TBC1D32: variants seen among roughly 807,000 people sequenced by gnomAD.
TBC1D32 encodes protein broad-minded.
TBC1D32 carries 151 observed loss-of-function variants against 170.3 expected under a neutral mutation model. That is an observed-to-expected ratio of 0.89 (90% CI 0.78 to 1.01). The LOEUF (loss-of-function observed/expected upper bound fraction) is 1.01, where lower values mean the gene tolerates loss of function less well. TBC1D32 is among the 50% of genes least tolerant of loss of function. The probability of loss-of-function intolerance (pLI) is 0.00; values close to 1 mark genes in which losing one functional copy is unlikely to be tolerated. For synonymous variants in TBC1D32, 498 were observed against 488.0 expected, an observed-to-expected ratio of 1.02 and a Z score of -0.27; for missense variants, 1,464 against 1,457.1, an observed-to-expected ratio of 1.00 and a Z score of -0.08.
Position 121,131,610 on chromosome 6 carries a change from G to T in TBC1D32, c.2899+17C>A. 6.3e-7 allele frequency: 1 copy of T among 1,591,224 alleles called. No homozygotes were observed. Among genetic ancestry groups the T allele is most frequent in the South Asian group, 1.2e-5 (1 of 85,858 alleles). The stretch of plus-strand genomic sequence containing the variant: ...TTTCATACATAAGAAAACCCACAAT[G>T]GAAACAATGTACTTACCCTCTCCAC... On this transcript the variant is annotated intron_variant, in intron 25 of 31. Coordinates refer to ENST00000398212, the MANE Select transcript of TBC1D32 (RefSeq NM_152730.6).
At chr6:121,252,018 G>T (rs1026805000) in intron 17 of TBC1D32, among the ~76,000 whole-genome samples, 4 of 152,198 alleles carry the variant, frequency 2.6e-5, no homozygotes, top group African/African-American at 9.6e-5. Context: ...CAAAACCACA[G>T]TGAGATACCA....
intron 24 of TBC1D32, among the ~76,000 whole-genome samples, chr6:121,148,333 G>T (rs1325874745): frequency 1.3e-5 from 2 of 152,018 alleles, no homozygotes; most frequent in East Asian, 3.9e-4. Flanking sequence ...TTTTATGGTT[G>T]CATAGTATTC....
At chr6:121,310,705 G>A in intron 4 of TBC1D32, 74 bp downstream of exon 4, 1 of 946,844 alleles carries the variant, frequency 1.1e-6, no homozygotes, top group South Asian at 1.4e-5. Flanking sequence ...CAACCTGGTT[G>A]CTACTGATTG....
chr6:121,297,800 C>T (rs1007520463), intron 10 of TBC1D32, among the ~76,000 whole-genome samples: 2 of 152,028 alleles, frequency 1.3e-5, no homozygotes, highest in Non-Finnish European at 2.9e-5. Flanking sequence ...TTCTCATTTA[C>T]TCTAGTCTCA....
intron 22 of TBC1D32, among the ~76,000 whole-genome samples, chr6:121,177,557 A>G (rs1787946749): frequency 6.6e-6 from 1 of 152,186 alleles, no homozygotes; most frequent in Non-Finnish European, 1.5e-5. Flanking sequence ...ATATAGTAGC[A>G]TACAAATTTA....
chr6:121,211,489 C>G (rs1793048608), intron 21 of TBC1D32, among the ~76,000 whole-genome samples: 1 of 152,072 alleles, frequency 6.6e-6, no homozygotes, highest in Non-Finnish European at 1.5e-5. Context: ...CATTGAGTCC[C>G]CCAAGTCCAC....
intron 14 of TBC1D32, 73 bp from the exon 15 acceptor site, chr6:121,279,318 G>A (rs943575722): frequency 4.6e-6 from 7 of 1,512,820 alleles, no homozygotes; most frequent in African/African-American, 2.9e-5. Context: ...ACTAAAATCC[G>A]AGGATTGTAA....
chr6:121,256,416 C>T (rs1348988526), intron 15 of TBC1D32, 131 bp from the exon 16 acceptor site: 6 of 698,890 alleles, frequency 8.6e-6, no homozygotes, highest in South Asian at 1.9e-5. Context: ...TCAATATTCA[C>T]GTTCCCACCC....
intron 24 of TBC1D32, among the ~76,000 whole-genome samples, chr6:121,140,058 T>C (rs1176870416): frequency 2.0e-5 from 3 of 152,238 alleles, no homozygotes; most frequent in East Asian, 3.9e-4. Context: ...TTTTATAAAA[T>C]GCCAAAACTA....
At chr6:121,162,087 T>G (rs1429503092) in intron 22 of TBC1D32, among the ~76,000 whole-genome samples, 1 of 152,200 alleles carries the variant, frequency 6.6e-6, no homozygotes, top group Non-Finnish European at 1.5e-5. Context: ...ATATTAGGTG[T>G]TGTTAGATCT....
intron 24 of TBC1D32, among the ~76,000 whole-genome samples, chr6:121,145,477 A>C (rs1362391123): frequency 6.6e-6 from 1 of 152,092 alleles, no homozygotes; most frequent in African/African-American, 2.4e-5. Context: ...GTATTGGGGG[A>C]GATGGTCCAA....
intron 5 of TBC1D32, among the ~76,000 whole-genome samples, chr6:121,305,631 A>G (rs967696470): frequency 1.3e-5 from 2 of 152,104 alleles, no homozygotes; most frequent in Non-Finnish European, 2.9e-5. Context: ...TAATGGCCCC[A>G]AGAAATTCCT....
rs187477569 is a variant in TBC1D32, at chr6:121,172,931, A to G, written c.2571-11875T>C. On this transcript the variant is annotated intron_variant, in intron 22 of 31. Transcript: ENST00000398212. Reference sequence around the variant, plus strand: ...ATCTTTTTGTTGCCTTTATTTGAAGATTACATATGATTTCAGATGTTTATG... The same window carrying G: ...ATCTTTTTGTTGCCTTTATTTGAAGGTTACATATGATTTCAGATGTTTATG... 2.3e-3 allele frequency among the ~76,000 whole-genome samples: 352 copies of G among 152,202 alleles called. 1 individual carries two copies. Among genetic ancestry groups the G allele is most frequent in the Middle Eastern group, 6.8e-3 (2 of 294 alleles).
intron 12 of TBC1D32, among the ~76,000 whole-genome samples, chr6:121,288,225 G>T (rs1382682590): frequency 6.6e-6 from 1 of 151,988 alleles, no homozygotes; most frequent in Non-Finnish European, 1.5e-5. Flanking sequence ...CTGGTTTTTT[G>T]AAAAGATCAA....
At chr6:121,112,731 AAATG>A in intron 28 of TBC1D32, 72 bp from the exon 29 acceptor site, 1 of 1,239,412 alleles carries the variant, frequency 8.1e-7, no homozygotes, top group Non-Finnish European at 1.1e-6. Flanking sequence ...AAATAAAATA[AAATG>A]AATATATTAA....
chr6:121,234,989 A>G (rs902334266), intron 20 of TBC1D32, among the ~76,000 whole-genome samples: 1 of 151,728 alleles, frequency 6.6e-6, no homozygotes, highest in African/African-American at 2.4e-5. Flanking sequence ...TTCTGGGTCT[A>G]GCCATCCAGC....
At chr6:121,212,415 A>C (rs1793180252) in intron 21 of TBC1D32, among the ~76,000 whole-genome samples, 1 of 151,686 alleles carries the variant, frequency 6.6e-6, no homozygotes. Flanking sequence ...AAAACCTGGC[A>C]GAGACACAAC....
chr6:121,136,824 T>C lies in TBC1D32; in HGVS notation c.2774-5072A>G, dbSNP rs1228077743. ...ATTTTATTATATACACATGTGTATG[T>C]AAACAAGTATGTGTATGTAAACAAG... On this transcript the variant is annotated intron_variant, in intron 24 of 31. Transcript: ENST00000398212. Among the ~76,000 whole-genome samples the C allele has an allele frequency of 2.0e-5, 3 of 152,170 alleles. No individual in the cohort carries two copies. In the East Asian group the frequency reaches 5.8e-4, roughly 29 times the overall value.
chr6:121,196,706 T>C (rs57105093), intron 22 of TBC1D32, among the ~76,000 whole-genome samples: 4,237 of 152,236 alleles, frequency 0.028, 154 homozygotes, highest in African/African-American at 0.089. Flanking sequence ...GATTGATTGA[T>C]AGGAGGGTGG....
Sources: allele counts gnomAD v4.1 joint callset (sites outside exome capture counted in the v4.1 genomes callset), GRCh38; gene constraint gnomAD v4.1.1; transcripts MANE v1.5; gene names NCBI Gene and HGNC (gene_info 2026-07-23, HGNC 2026-07-21).